Variants in SYNPR observed in about 807,000 individuals in gnomAD.
SYNPR encodes synaptoporin.
Under a neutral mutation model 32.9 loss-of-function variants are expected in SYNPR, and 23 were observed. That is an observed-to-expected ratio of 0.70 (90% CI 0.50 to 0.99). The LOEUF (loss-of-function observed/expected upper bound fraction) is 0.99, where lower values mean the gene tolerates loss of function less well. Ranked by LOEUF, SYNPR falls within the 50% of genes least tolerant of loss-of-function variation. SYNPR has a pLI of 0.00. For missense variants in SYNPR, 318 were observed against 349.3 expected, an observed-to-expected ratio of 0.91 and a Z score of 0.71; for synonymous variants, 146 against 135.9, an observed-to-expected ratio of 1.07 and a Z score of -0.52.
At chr3:63,494,681 T>A (rs1701339585) in intron 3 of SYNPR, among the ~76,000 whole-genome samples, 1 of 151,820 alleles carries the variant, frequency 6.6e-6, no homozygotes, top group South Asian at 2.1e-4. Context: ...CTCTATGAGA[T>A]AGCTACTCTA....
intron 2 of SYNPR, among the ~76,000 whole-genome samples, chr3:63,280,394 A>C (rs1194062606): frequency 6.6e-6 from 1 of 152,172 alleles, no homozygotes; most frequent in Non-Finnish European, 1.5e-5. Context: ...TATCCATGTT[A>C]TAATTGGAGA....
intron 4 of SYNPR, among the ~76,000 whole-genome samples, chr3:63,558,719 A>G (rs905042992): frequency 2.6e-5 from 4 of 152,164 alleles, no homozygotes; most frequent in African/African-American, 9.6e-5. Flanking sequence ...TAATACTTGT[A>G]GTGATCACTC....
At chr3:63,265,241 C>CTTTTTTTTTTTTTTTTTTTTTTTTTTTT (rs71126590) in intron 2 of SYNPR, among the ~76,000 whole-genome samples, 3 of 102,214 alleles carry the variant, frequency 2.9e-5, no homozygotes, top group East Asian at 4.0e-4. Context: ...TAATGACATT[C>CTTTTTTTTTTTTTTTTTTTTTTTTTTTT]TTTTTTTTTT....
intron 3 of SYNPR, among the ~76,000 whole-genome samples, chr3:63,499,827 C>A (rs1336061476): frequency 6.6e-6 from 1 of 151,858 alleles, no homozygotes; most frequent in African/African-American, 2.4e-5. Context: ...TACACAGGCA[C>A]ACTGAGGACC....
intron 1 of SYNPR, among the ~76,000 whole-genome samples, chr3:63,238,597 T>G (rs2086215751): frequency 6.6e-6 from 1 of 152,166 alleles, no homozygotes; most frequent in Non-Finnish European, 1.5e-5. Flanking sequence ...AATGGAGCTG[T>G]AAATAGGAAG....
intron 2 of SYNPR, among the ~76,000 whole-genome samples, chr3:63,292,694 C>G (rs767729324): frequency 4.6e-5 from 7 of 152,184 alleles, no homozygotes; most frequent in Non-Finnish European, 1.0e-4. Context: ...TCTTTTCCTC[C>G]AAATATTCTT....
At chr3:63,512,683 G>A (rs1701719644) in intron 3 of SYNPR, among the ~76,000 whole-genome samples, 1 of 152,138 alleles carries the variant, frequency 6.6e-6, no homozygotes, top group African/African-American at 2.4e-5. Flanking sequence ...ATGAAATGTG[G>A]GTGGCCTCTG....
At chr3:63,565,234 T>C (rs1702761353) in intron 4 of SYNPR, among the ~76,000 whole-genome samples, 1 of 152,146 alleles carries the variant, frequency 6.6e-6, no homozygotes, top group African/African-American at 2.4e-5. Context: ...GGTGACAATT[T>C]TGCCCCTGAC....
chr3:63,357,189 C>T (rs2087594510), intron 2 of SYNPR, among the ~76,000 whole-genome samples: 3 of 152,178 alleles, frequency 2.0e-5, no homozygotes, highest in South Asian at 2.1e-4. Context: ...CCCTGTTCAT[C>T]GCTGTACGTG....
intron 2 of SYNPR, among the ~76,000 whole-genome samples, chr3:63,416,544 A>C (rs1166202713): frequency 2.0e-5 from 3 of 149,110 alleles, no homozygotes; most frequent in Non-Finnish European, 3.0e-5. Flanking sequence ...AAAAAAAAAA[A>C]AAAAAAAACC....
At chr3:63,281,006 G>T (rs1297573800) in intron 2 of SYNPR, among the ~76,000 whole-genome samples, 1 of 152,188 alleles carries the variant, frequency 6.6e-6, no homozygotes, top group African/African-American at 2.4e-5. Context: ...AGAGACATGA[G>T]GAGAGAGTAC....
chr3:63,508,140 G>A (rs1188068906), intron 3 of SYNPR, among the ~76,000 whole-genome samples: 1 of 151,880 alleles, frequency 6.6e-6, no homozygotes, highest in African/African-American at 2.4e-5. Flanking sequence ...CTACTCTTTC[G>A]AATAGCATAG....
chr3:63,209,634 T>C, the SYNPR span, among the ~76,000 whole-genome samples: 63 of 152,328 alleles, frequency 4.1e-4, no homozygotes, highest in African/African-American at 1.5e-3. Context: ...TTAAAGTCTT[T>C]AAATAAGCTG....
intron 2 of SYNPR, among the ~76,000 whole-genome samples, chr3:63,292,259 A>G (rs1484296011): frequency 6.6e-6 from 1 of 152,210 alleles, no homozygotes; most frequent in Non-Finnish European, 1.5e-5. Flanking sequence ...TATTTTGGGG[A>G]TATAATGTGA....
intron 2 of SYNPR, among the ~76,000 whole-genome samples, chr3:63,373,708 A>C (rs2087848394): frequency 6.6e-6 from 1 of 152,164 alleles, no homozygotes; most frequent in Non-Finnish European, 1.5e-5. Context: ...TCAACATTCA[A>C]ATTAAGGAAA....
At chr3:63,369,032 C>T (rs897119760) in intron 2 of SYNPR, among the ~76,000 whole-genome samples, 11 of 152,126 alleles carry the variant, frequency 7.2e-5, no homozygotes, top group African/African-American at 2.4e-4. Context: ...GTCTTAACCC[C>T]CAATATCTCA....
chr3:63,307,310 T>G (rs181477882), intron 2 of SYNPR, among the ~76,000 whole-genome samples: 339 of 152,146 alleles, frequency 2.2e-3, no homozygotes, highest in Non-Finnish European at 4.0e-3. Flanking sequence ...GGGGTTCCTA[T>G]ATTATGTTCC....
chr3:63,563,759 T>C (rs1559537692), intron 4 of SYNPR, among the ~76,000 whole-genome samples: 1 of 152,132 alleles, frequency 6.6e-6, no homozygotes, highest in Non-Finnish European at 1.5e-5. Context: ...ATAACTCTCC[T>C]ACAAATGGCT....
intron 4 of SYNPR, among the ~76,000 whole-genome samples, chr3:63,568,441 C>T (rs1204229366): frequency 6.6e-6 from 1 of 152,126 alleles, no homozygotes; most frequent in Admixed American, 6.5e-5. Flanking sequence ...AGTAGCAAGA[C>T]ATACACAAGT....
Sources: allele counts gnomAD v4.1 joint callset (sites outside exome capture counted in the v4.1 genomes callset), GRCh38; gene constraint gnomAD v4.1.1; transcripts MANE v1.5; gene names NCBI Gene and HGNC (gene_info 2026-07-23, HGNC 2026-07-21).